The following UBR1 variants were observed in gnomAD, a reference collection of about 807,000 sequenced individuals.
UBR1 encodes the protein E3 ubiquitin-protein ligase UBR1.
Under a neutral mutation model 242.1 loss-of-function variants are expected in UBR1, and 102 were observed. The ratio of observed to expected loss-of-function variants is 0.42; its 90% confidence interval spans 0.36 to 0.50. The LOEUF (loss-of-function observed/expected upper bound fraction) is 0.50. Ranked by LOEUF, UBR1 falls within the 20% of genes least tolerant of loss-of-function variation. The pLI is 0.01. For synonymous variants in UBR1, 675 were observed against 684.8 expected (o/e 0.99, Z 0.22); for missense variants, 1,772 against 2,101.8 (o/e 0.84, Z 3.07).
intron 37 of UBR1, among the ~76,000 whole-genome samples, chr15:42,981,936 T>C (rs1027101757): frequency 1.3e-5 from 2 of 152,246 alleles, no homozygotes; most frequent in African/African-American, 2.4e-5. Context: ...AAAACTTTCA[T>C]ATATAGGCAT....
chr15:42,989,300 A>G (rs1379561301), intron 34 of UBR1, among the ~76,000 whole-genome samples: 1 of 152,228 alleles, frequency 6.6e-6, no homozygotes, highest in Admixed American at 6.5e-5. Context: ...AAAGAATAAA[A>G]TTCAGAGGAA....
At chr15:43,064,117 C>T (rs2033723350) in intron 6 of UBR1, among the ~76,000 whole-genome samples, 1 of 152,172 alleles carries the variant, frequency 6.6e-6, no homozygotes, top group Non-Finnish European at 1.5e-5. Flanking sequence ...TTGGTATTTC[C>T]TCAAAGTGCT....
At chr15:42,957,508 T>C (rs761559387) in intron 44 of UBR1, among the ~76,000 whole-genome samples, 10 of 152,124 alleles carry the variant, frequency 6.6e-5, no homozygotes, top group Non-Finnish European at 1.3e-4. Flanking sequence ...GCATGTTATG[T>C]GGATTTCCCC....
At chr15:43,061,157 G>A (rs1479978126) in intron 6 of UBR1, among the ~76,000 whole-genome samples, 1 of 152,190 alleles carries the variant, frequency 6.6e-6, no homozygotes, top group African/African-American at 2.4e-5. Flanking sequence ...GGAGTTAGCT[G>A]CTGATCATGG....
chr15:43,100,389 T>C (rs1321390001), intron 1 of UBR1, among the ~76,000 whole-genome samples: 1 of 152,178 alleles, frequency 6.6e-6, no homozygotes. Flanking sequence ...GGTTAGCCAC[T>C]ACCCTAACAT....
chr15:42,945,574 G>A, intron 46 of UBR1, 104 bp from the exon 47 acceptor site: 1 of 1,431,862 alleles, frequency 7.0e-7, no homozygotes, highest in Non-Finnish European at 9.6e-7. Context: ...CTGGAGCCGG[G>A]AGGACTCACC....
At chr15:42,985,643 G>A (rs937147757) in intron 35 of UBR1, among the ~76,000 whole-genome samples, 8 of 152,112 alleles carry the variant, frequency 5.3e-5, no homozygotes, top group Non-Finnish European at 1.0e-4. Flanking sequence ...GTGAGCCACT[G>A]CGCCCGACCT....
intron 46 of UBR1, among the ~76,000 whole-genome samples, chr15:42,949,590 G>T (rs1335522412): frequency 1.0e-5 from 1 of 98,908 alleles, no homozygotes; most frequent in Non-Finnish European, 2.8e-5. Flanking sequence ...CTTGAGGTCA[G>T]GAATTCCAGA....
At chr15:43,015,021 T>C (rs1207268293) in intron 29 of UBR1, among the ~76,000 whole-genome samples, 1 of 124,280 alleles carries the variant, frequency 8.0e-6, no homozygotes, top group Admixed American at 8.0e-5. Context: ...GGAGGGAGGT[T>C]GGGGGTCAGC....
intron 2 of UBR1, 38 bp downstream of exon 2, chr15:43,085,946 A>G: frequency 6.4e-7 from 1 of 1,551,052 alleles, no homozygotes; most frequent in Non-Finnish European, 8.7e-7. Context: ...AAAGGATTTT[A>G]ATAATTATAA....
At chr15:42,988,594 T>A (rs1255573326) in intron 35 of UBR1, 10 of 572,766 alleles carry the variant, frequency 1.7e-5, no homozygotes, top group East Asian at 3.2e-5. Context: ...TTAAAAATAT[T>A]TTTTTTAACT....
At chr15:43,092,603 G>T (rs1275231496) in intron 1 of UBR1, among the ~76,000 whole-genome samples, 1 of 152,112 alleles carries the variant, frequency 6.6e-6, no homozygotes, top group Non-Finnish European at 1.5e-5. Context: ...CACCAGGCTG[G>T]AATGCAGTGG....
intron 6 of UBR1, among the ~76,000 whole-genome samples, chr15:43,067,132 G>A (rs2033763636): frequency 6.6e-6 from 1 of 152,054 alleles, no homozygotes; most frequent in South Asian, 2.1e-4. Context: ...TGGTTATAGG[G>A]CTTAAATGAG....
intron 1 of UBR1, among the ~76,000 whole-genome samples, chr15:43,091,023 C>A (rs1469716629): frequency 3.9e-5 from 6 of 152,170 alleles, no homozygotes; most frequent in African/African-American, 1.4e-4. Flanking sequence ...CATGCAACCT[C>A]TGCCTCCCGG....
chr15:43,042,491 C>A (rs1167749209), intron 15 of UBR1, among the ~76,000 whole-genome samples: 1 of 152,074 alleles, frequency 6.6e-6, no homozygotes, highest in East Asian at 1.9e-4. Flanking sequence ...TTCATAGACA[C>A]AGAGTGGTAG....
chr15:43,041,341 G>T (rs1001603456), intron 15 of UBR1, among the ~76,000 whole-genome samples: 1 of 151,964 alleles, frequency 6.6e-6, no homozygotes, highest in Non-Finnish European at 1.5e-5. Context: ...ACTATCACAG[G>T]GACAAAAAAC....
chr15:43,020,584 T>C (rs1366496826), intron 27 of UBR1, among the ~76,000 whole-genome samples: 1 of 152,192 alleles, frequency 6.6e-6, no homozygotes. Flanking sequence ...CTTGTACAAA[T>C]ATAGATTAGG....
Position 43,029,925 on chromosome 15 carries a change from A to T in UBR1, c.2379+19T>A. ...CCCCATCTTGAGGTACATAGAGATA[A>T]AACCAAAATCAGACTTACATTCTCA... On this transcript the variant is annotated intron_variant, in intron 21 of 46. Transcript: ENST00000290650. 6.2e-7 allele frequency: 1 copy of T among 1,613,946 alleles called. No individual in the cohort carries two copies. Among genetic ancestry groups the T allele is most frequent in the South Asian group, 1.1e-5 (1 of 91,082 alleles).
intron 6 of UBR1, among the ~76,000 whole-genome samples, chr15:43,062,817 T>C (rs987105888): frequency 9.2e-5 from 14 of 152,114 alleles, no homozygotes; most frequent in Non-Finnish European, 7.4e-5. Flanking sequence ...GCAGTGTTTT[T>C]AAAATACGTG....
Sources: gnomAD v4.1 joint callset for allele counts (sites outside exome capture counted in the v4.1 genomes callset) on GRCh38, gnomAD v4.1.1 for gene constraint, MANE v1.5 for transcripts, NCBI Gene and HGNC (gene_info 2026-07-23, HGNC 2026-07-21) for gene names.